The following PCDH11X variants were observed in gnomAD, a reference collection of about 807,000 sequenced individuals.
PCDH11X encodes the protein protocadherin-11 X-linked.
In PCDH11X, 18 loss-of-function variants were observed where a neutral mutation model predicts 53.3. That is an observed-to-expected ratio of 0.34 (90% CI 0.23 to 0.50). PCDH11X has a LOEUF of 0.50. PCDH11X is among the 20% of genes least tolerant of loss of function. The pLI, the probability that PCDH11X is intolerant of heterozygous loss-of-function variation, is 0.98. For missense variants in PCDH11X, 570 were observed against 1,032.4 expected (o/e 0.55, Z 6.14); for synonymous variants, 279 against 393.3 (o/e 0.71, Z 3.44).
intron 5 of PCDH11X, among the ~76,000 whole-genome samples, chrX:91,857,364 A>T (rs1938407359): frequency 9.0e-6 from 1 of 111,251 alleles, no homozygotes; most frequent in Admixed American, 9.5e-5. Context: ...ACACAGCGAA[A>T]CCATATTTTT....
At chrX:92,298,325 GC>G (rs2068651824) in intron 8 of PCDH11X, among the ~76,000 whole-genome samples, 1 of 111,500 alleles carries the variant, frequency 9.0e-6, no homozygotes, top group African/African-American at 3.3e-5. Flanking sequence ...CTCCTTCAAT[GC>G]CTAGTTTGGT....
At chrX:91,846,617 C>CA (rs1265926166) in intron 5 of PCDH11X, among the ~76,000 whole-genome samples, 845 of 81,591 alleles carry the variant, frequency 0.01, 7 homozygotes, top group African/African-American at 0.022. Flanking sequence ...GACTCCATCT[C>CA]AAAAAAAAAA....
intron 10 of PCDH11X, among the ~76,000 whole-genome samples, chrX:92,513,892 G>C (rs1009988782): frequency 2.7e-5 from 3 of 110,032 alleles, no homozygotes. Context: ...GAAAGACTGT[G>C]GCCACCCCAA....
At chrX:92,255,292 CA>C (rs1228737209) in intron 7 of PCDH11X, among the ~76,000 whole-genome samples, 1 of 101,412 alleles carries the variant, frequency 9.9e-6, no homozygotes, top group African/African-American at 3.6e-5. Flanking sequence ...TCAGCTCCAT[CA>C]GCTCCTTTAA....
intron 6 of PCDH11X, among the ~76,000 whole-genome samples, chrX:92,165,585 G>A (rs2065719880): frequency 8.9e-6 from 1 of 111,827 alleles, no homozygotes; most frequent in South Asian, 3.7e-4. Flanking sequence ...TCCCATGACT[G>A]TAACCATAAT....
intron 7 of PCDH11X, among the ~76,000 whole-genome samples, chrX:92,212,802 T>C (rs2066616699): frequency 8.9e-6 from 1 of 112,480 alleles, no homozygotes; most frequent in South Asian, 3.6e-4. Flanking sequence ...ACTTTTAAGA[T>C]ACTCACACTT....
intron 8 of PCDH11X, among the ~76,000 whole-genome samples, chrX:92,274,344 T>C (rs2068030743): frequency 9.2e-6 from 1 of 109,116 alleles, no homozygotes; most frequent in Non-Finnish European, 1.9e-5. Context: ...ATGGTTTCAC[T>C]GAATACTAAG....
At chrX:92,265,730 A>T (rs758487339) in intron 8 of PCDH11X, among the ~76,000 whole-genome samples, 1 of 111,215 alleles carries the variant, frequency 9.0e-6, no homozygotes, top group Admixed American at 9.6e-5. Context: ...GCCTAAGGTT[A>T]CAGAGCTCAC....
intron 10 of PCDH11X, among the ~76,000 whole-genome samples, chrX:92,535,502 C>A (rs1470152127): frequency 9.0e-6 from 1 of 110,670 alleles, no homozygotes; most frequent in Non-Finnish European, 1.9e-5. Context: ...AGGGGAAAAA[C>A]AGACACCGGG....
rs1290881305 is a variant in PCDH11X at position 92,271,065 on chromosome X, GA to G, written c.3144+7929del. On this transcript the variant is annotated intron_variant, in intron 8 of 10. Coordinates refer to ENST00000682573, the MANE Select transcript of PCDH11X (RefSeq NM_032968.5). ...AGGTGCAGTTAAGATAAGATAGCCA[GA>G]AAAAAACACCATGAAACAAAGGTAA... 4.5e-5 allele frequency among the ~76,000 whole-genome samples: 5 copies of G among 111,790 alleles called. No homozygotes were observed. In the South Asian group the frequency reaches 1.9e-3, roughly 41 times the overall value.
intron 10 of PCDH11X, among the ~76,000 whole-genome samples, chrX:92,556,398 G>A (rs2148756830): frequency 9.0e-6 from 1 of 111,563 alleles, no homozygotes; most frequent in East Asian, 2.9e-4. Context: ...TGGAAACAAT[G>A]AAAGTATGGA....
intron 6 of PCDH11X, among the ~76,000 whole-genome samples, chrX:92,168,832 A>G (rs969613352): frequency 2.4e-4 from 27 of 111,428 alleles, no homozygotes; most frequent in African/African-American, 8.5e-4. Context: ...GCAAAATCCC[A>G]GTTTCATCAA....
intron 8 of PCDH11X, among the ~76,000 whole-genome samples, chrX:92,294,172 G>C (rs1363599836): frequency 9.1e-6 from 1 of 109,886 alleles, no homozygotes; most frequent in East Asian, 2.9e-4. Context: ...ATGGTGTTTT[G>C]CTCTTGTTGC....
At chrX:92,218,313 GAA>G (rs1331389687) in intron 7 of PCDH11X, among the ~76,000 whole-genome samples, 1 of 38,698 alleles carries the variant, frequency 2.6e-5, no homozygotes, top group Non-Finnish European at 6.1e-5. Context: ...GACTAATAAA[GAA>G]GAAAAGAGAG....
chrX:92,403,976 C>T (rs996204178), intron 9 of PCDH11X, among the ~76,000 whole-genome samples: 9 of 109,769 alleles, frequency 8.2e-5, no homozygotes, highest in Non-Finnish European at 1.7e-4. Context: ...ATGGTGATAG[C>T]GGCAGAATAT....
chrX:92,235,637 A>G (rs1417731104), intron 7 of PCDH11X, among the ~76,000 whole-genome samples: 1 of 111,364 alleles, frequency 9.0e-6, no homozygotes, highest in Non-Finnish European at 1.9e-5. Flanking sequence ...GTAAGACTTC[A>G]CCATTCAAAA....
At chrX:92,347,015 A>G (rs1296547040) in intron 8 of PCDH11X, among the ~76,000 whole-genome samples, 1 of 111,847 alleles carries the variant, frequency 8.9e-6, no homozygotes, top group Non-Finnish European at 1.9e-5. Context: ...CCCTTGAATT[A>G]TATACGTATA....
chrX:92,102,022 A>G (rs1214785490), intron 6 of PCDH11X, among the ~76,000 whole-genome samples: 2 of 111,520 alleles, frequency 1.8e-5, no homozygotes, highest in African/African-American at 6.5e-5. Flanking sequence ...CAGGGTGAGG[A>G]ACAGGAAAGA....
chrX:92,293,390 C>T (rs1440293138), intron 8 of PCDH11X, among the ~76,000 whole-genome samples: 12 of 109,824 alleles, frequency 1.1e-4, no homozygotes, highest in African/African-American at 3.7e-4. Flanking sequence ...TTTGGGAGGC[C>T]AAGGCGGGCA....
Sources: gnomAD v4.1 joint callset for allele counts (sites outside exome capture counted in the v4.1 genomes callset) on GRCh38, gnomAD v4.1.1 for gene constraint, MANE v1.5 for transcripts, NCBI Gene and HGNC (gene_info 2026-07-23, HGNC 2026-07-21) for gene names.